SDHC: variants seen among roughly 807,000 people sequenced by gnomAD.
SDHC encodes the protein succinate dehydrogenase complex subunit C, also known as succinate dehydrogenase cytochrome b560 subunit, mitochondrial.
In SDHC, 11 loss-of-function variants were observed where a neutral mutation model predicts 22.6. The observed-to-expected ratio is 0.49, with a 90% CI of 0.31 to 0.81. The LOEUF (loss-of-function observed/expected upper bound fraction) is 0.81, where lower values mean the gene tolerates loss of function less well. Ranked by LOEUF, SDHC falls within the 30% of genes least tolerant of loss-of-function variation. The pLI is 0.05. For missense variants in SDHC, 160 were observed against 212.0 expected (o/e 0.75, Z 1.52); for synonymous variants, 80 against 77.8 (o/e 1.03, Z -0.15).
At chr1:161,361,235 T>G (rs934454797) in intron 5 of SDHC, among the ~76,000 whole-genome samples, 2 of 151,424 alleles carry the variant, frequency 1.3e-5, no homozygotes, top group African/African-American at 4.8e-5. Flanking sequence ...TAATGAAGTT[T>G]ATTTATATAT....
chr1:161,358,568 C>T (rs543599291), intron 5 of SDHC, among the ~76,000 whole-genome samples: 2 of 151,876 alleles, frequency 1.3e-5, no homozygotes, highest in African/African-American at 2.4e-5. Context: ...GCCTGGGAGG[C>T]GGAGGTTGCA....
chr1:161,318,865 C>T (rs1277889302), intron 1 of SDHC, among the ~76,000 whole-genome samples: 1 of 151,980 alleles, frequency 6.6e-6, no homozygotes, highest in African/African-American at 2.4e-5. Context: ...GAAACCTCGT[C>T]TCTACTAAAA....
intron 4 of SDHC, among the ~76,000 whole-genome samples, chr1:161,342,947 T>G (rs978712445): frequency 7.9e-5 from 12 of 152,218 alleles, no homozygotes; most frequent in African/African-American, 2.9e-4. Context: ...TTTTGTTACT[T>G]TAGCCTGGGA....
intron 5 of SDHC, among the ~76,000 whole-genome samples, chr1:161,359,480 G>A (rs1222277351): frequency 6.6e-6 from 1 of 152,204 alleles, no homozygotes; most frequent in African/African-American, 2.4e-5. Context: ...CTATTCCACA[G>A]AACAAAGCTC....
chr1:161,314,626 G>T (rs917808373), intron 1 of SDHC: 1 of 624,400 alleles, frequency 1.6e-6, no homozygotes, highest in African/African-American at 1.8e-5. Flanking sequence ...GGGCTTCGGG[G>T]TCACTGACTT....
chr1:161,318,183 A>T (rs1363847584), intron 1 of SDHC, among the ~76,000 whole-genome samples: 1 of 151,976 alleles, frequency 6.6e-6, no homozygotes, highest in Admixed American at 6.5e-5. Context: ...AAAAAAAAAA[A>T]ATTGTACTGT....
chr1:161,359,416 T>C (rs16832851), intron 5 of SDHC, among the ~76,000 whole-genome samples: 17,814 of 152,228 alleles, frequency 0.12, 1,412 homozygotes, highest in African/African-American at 0.22. Context: ...AATGACTTTT[T>C]ACTTCCCTGA....
At chr1:161,329,426 A>G (rs1427688679) in intron 3 of SDHC, among the ~76,000 whole-genome samples, 1 of 151,598 alleles carries the variant, frequency 6.6e-6, no homozygotes, top group East Asian at 1.9e-4. Flanking sequence ...CTACCTCCTG[A>G]GTTCAAGTGA....
intron 4 of SDHC, among the ~76,000 whole-genome samples, chr1:161,346,203 G>A (rs1558177774): frequency 1.3e-5 from 2 of 152,154 alleles, no homozygotes; most frequent in East Asian, 3.8e-4. Flanking sequence ...TAGGTGCTTA[G>A]AAAATCTTTA....
At chr1:161,338,160 T>G (rs779319444) in intron 3 of SDHC, among the ~76,000 whole-genome samples, 5 of 152,238 alleles carry the variant, frequency 3.3e-5, no homozygotes, top group Non-Finnish European at 7.3e-5. Flanking sequence ...TTCCACCTTT[T>G]ATATTTCTGT....
At chr1:161,348,035 A>G (rs1671961181) in intron 4 of SDHC, among the ~76,000 whole-genome samples, 1 of 152,218 alleles carries the variant, frequency 6.6e-6, no homozygotes. Flanking sequence ...CTGGATAAAT[A>G]CAAAATAAGT....
In SDHC at chr1:161,328,403, C is replaced by G. The variant is rs878854588; in HGVS notation, c.85C>G (p.Pro29Ala). Reference protein sequence around the residue: ...SPQLCIRNAVPLGTTAKEEME... With the variant: ...SPQLCIRNAVALGTTAKEEME... ...GGTCTGGTTTTATTTTAGTGCTGTT[C>G]CTTTGGGAACCACGGCCAAAGAAGA... is the stretch of plus-strand genomic sequence containing the variant. Residue 29 changes from proline to alanine, a missense_variant, in exon 3 of 6, where the codon CCT (proline) becomes GCT (alanine). Physicochemically the swap from Pro to Ala is conservative, Grantham distance 27 (BLOSUM62 -1). This residue lies in a region of SDHC where 86 missense variants were observed against 83.4 expected (regional missense o/e 1.03). Transcript: ENST00000367975. The G allele has an allele frequency of 1.9e-6, 3 of 1,610,688 alleles. No homozygotes were observed. Among genetic ancestry groups the G allele is most frequent in the Non-Finnish European group, 2.5e-6 (3 of 1,177,188 alleles).
Position 161,362,899 on chromosome 1 carries a change from C to G in SDHC, c.*466C>G. 2.3e-6 allele frequency: 1 copy of G among 426,498 alleles called. No individual in the cohort carries two copies. Among genetic ancestry groups the G allele is most frequent in the Middle Eastern group, 6.8e-4 (1 of 1,462 alleles). 26.4% of individuals were successfully genotyped at this position (426,498 alleles called of 1,614,324 possible). The stretch of plus-strand genomic sequence containing the variant: ...ACAATTCTCTTCATTGGTGAGAGCC[C>G]AGGCCATTAACACCTACACAGTGTT... On this transcript the variant is annotated 3_prime_UTR_variant, in exon 6 of 6. Transcript: ENST00000367975.
intron 3 of SDHC, among the ~76,000 whole-genome samples, chr1:161,339,349 ATTT>A (rs112525066): frequency 6.5e-5 from 9 of 137,408 alleles, no homozygotes; most frequent in Admixed American, 1.5e-4. Context: ...CACCCAGCTA[ATTT>A]TTTTTTTTTT....
chr1:161,343,828 G>GA (rs1380151628), intron 4 of SDHC, among the ~76,000 whole-genome samples: 1 of 151,840 alleles, frequency 6.6e-6, no homozygotes, highest in Non-Finnish European at 1.5e-5. Context: ...ACCACTAAAT[G>GA]AAAAAAAGAT....
chr1:161,338,210 T>G (rs1379258769), intron 3 of SDHC, among the ~76,000 whole-genome samples: 1 of 151,978 alleles, frequency 6.6e-6, no homozygotes, highest in East Asian at 1.9e-4. Flanking sequence ...GTGGCTCTTC[T>G]TCCACCTTTT....
chr1:161,361,258 T>C (rs1672498808), intron 5 of SDHC, among the ~76,000 whole-genome samples: 1 of 151,296 alleles, frequency 6.6e-6, no homozygotes, highest in Non-Finnish European at 1.5e-5. Flanking sequence ...AATATATAAA[T>C]ATATACTTGT....
intron 1 of SDHC, among the ~76,000 whole-genome samples, chr1:161,316,001 C>T (rs1394009785): frequency 2.6e-5 from 4 of 152,138 alleles, no homozygotes; most frequent in Non-Finnish European, 4.4e-5. Flanking sequence ...GCTTTAGATA[C>T]GTATACACAT....
intron 1 of SDHC, among the ~76,000 whole-genome samples, chr1:161,321,535 T>TG (rs1670837741): frequency 6.6e-6 from 1 of 152,178 alleles, no homozygotes; most frequent in Non-Finnish European, 1.5e-5. Flanking sequence ...GAGGAATGCG[T>TG]GCCCTGCAAC....
Sources: gnomAD v4.1 joint callset for allele counts (sites outside exome capture counted in the v4.1 genomes callset) on GRCh38, gnomAD v4.1.1 for gene constraint, gnomAD v4.1.1 regional missense constraint, MANE v1.5 for transcripts, NCBI Gene and HGNC (gene_info 2026-07-23, HGNC 2026-07-21) for gene names.